KIAA1328: variants seen among roughly 807,000 people sequenced by gnomAD.
KIAA1328 encodes protein hinderin.
In KIAA1328, 52 loss-of-function variants were observed where a neutral mutation model predicts 68.1. The ratio of observed to expected loss-of-function variants is 0.76; its 90% CI spans 0.61 to 0.96. The LOEUF (loss-of-function observed/expected upper bound fraction) is 0.96, where lower values mean the gene tolerates loss of function less well. KIAA1328 is among the 40% of genes least tolerant of loss of function. KIAA1328 has a pLI of 0.00. For synonymous variants in KIAA1328, 232 were observed against 239.4 expected, an observed-to-expected ratio of 0.97 and a Z score of 0.28; for missense variants, 641 against 677.6, an observed-to-expected ratio of 0.95 and a Z score of 0.60.
chr18:37,090,602 T>C (rs2076399746), intron 7 of KIAA1328, among the ~76,000 whole-genome samples: 1 of 152,172 alleles, frequency 6.6e-6, no homozygotes, highest in Admixed American at 6.5e-5. Flanking sequence ...AGGACTGCTG[T>C]GTGAGAATTC....
intron 7 of KIAA1328, among the ~76,000 whole-genome samples, chr18:37,078,917 T>G (rs1333012419): frequency 6.6e-6 from 1 of 151,860 alleles, no homozygotes; most frequent in East Asian, 1.9e-4. Context: ...TGGAGGTCAG[T>G]GTGGCGATTC....
At chr18:37,166,808 G>A (rs1445846643) in intron 8 of KIAA1328, among the ~76,000 whole-genome samples, 3 of 151,520 alleles carry the variant, frequency 2.0e-5, no homozygotes, top group Admixed American at 1.3e-4. Context: ...TGGCACCTGG[G>A]GTTTAAAAAA....
At chr18:37,024,602 C>T (rs2054490538) in intron 6 of KIAA1328, among the ~76,000 whole-genome samples, 1 of 150,396 alleles carries the variant, frequency 6.6e-6, no homozygotes, top group African/African-American at 2.4e-5. Flanking sequence ...TGTTCAATTC[C>T]CATCTATGAG....
At chr18:36,895,133 T>G (rs774961848) in intron 5 of KIAA1328, among the ~76,000 whole-genome samples, 7 of 152,240 alleles carry the variant, frequency 4.6e-5, no homozygotes, top group Non-Finnish European at 8.8e-5. Context: ...GCTCCTAGCA[T>G]TCATACCTGT....
At chr18:36,928,010 TC>T (rs2050183202) in intron 5 of KIAA1328, among the ~76,000 whole-genome samples, 1 of 152,208 alleles carries the variant, frequency 6.6e-6, no homozygotes, top group Non-Finnish European at 1.5e-5. Context: ...GCCCAGATTT[TC>T]TATGGCGTAG....
rs2060597466 is a variant in KIAA1328 at position 37,223,306 on chromosome 18, A to T, written c.*1079A>T. On this transcript the variant is annotated 3_prime_UTR_variant, in exon 10 of 10. Transcript: ENST00000280020. ...AAGCAGGGTCTCCCTACTTTTTCTC[A>T]CTGGCCTCGTTTTGACCCAGAGAAA... The T allele has an allele frequency of 1.0e-6, 1 of 983,804 alleles. No individual in the cohort carries two copies. The allele number at this position is 983,804 out of a possible 1,614,324, so 60.9% of individuals were successfully genotyped here. A position where few individuals can be genotyped will look rare whatever the true frequency, so the allele number is the denominator to read the frequency against.
At chr18:36,851,228 T>C (rs1445103608) in intron 4 of KIAA1328, among the ~76,000 whole-genome samples, 1 of 152,220 alleles carries the variant, frequency 6.6e-6, no homozygotes, top group Non-Finnish European at 1.5e-5. Context: ...TTGTTGGGGA[T>C]TTTTGAATCT....
intron 9 of KIAA1328, among the ~76,000 whole-genome samples, chr18:37,187,261 G>A (rs17681878): frequency 0.02 from 3,099 of 152,190 alleles, 59 homozygotes; most frequent in East Asian, 0.089. Flanking sequence ...TAGCAGACAA[G>A]GGAAGAGTGA....
At chr18:37,138,233 A>C (rs936357308) in intron 7 of KIAA1328, among the ~76,000 whole-genome samples, 21 of 152,180 alleles carry the variant, frequency 1.4e-4, no homozygotes, top group Non-Finnish European at 2.2e-4. Flanking sequence ...CATACTATTA[A>C]TAAGTTGTTT....
chr18:36,959,560 G>C lies in KIAA1328; in HGVS notation c.576+125G>C, dbSNP rs139586118. The C allele has an allele frequency of 7.2e-5, 72 of 997,312 alleles. No homozygotes were observed. In the African/African-American group the frequency reaches 1.1e-3, roughly 15 times the overall value. The allele number at this position is 997,312 out of a possible 1,614,324, so 61.8% of individuals were successfully genotyped here. On this transcript the variant is annotated intron_variant, in intron 6 of 9. Coordinates refer to ENST00000280020, the MANE Select transcript of KIAA1328 (RefSeq NM_020776.3). Reference sequence around the variant, plus strand: ...TTGTTTTAAAACATGTAGCCACTGCGTGTGATTGAGTTGATGTCTTTCCCT... The same window carrying C: ...TTGTTTTAAAACATGTAGCCACTGCCTGTGATTGAGTTGATGTCTTTCCCT...
chr18:37,060,973 G>T (rs1395470036), intron 6 of KIAA1328, among the ~76,000 whole-genome samples: 1 of 152,106 alleles, frequency 6.6e-6, no homozygotes, highest in Admixed American at 6.5e-5. Flanking sequence ...AAATTAGCCG[G>T]CCATGGTGGT....
chr18:37,091,257 C>A (rs1228016851), intron 7 of KIAA1328, among the ~76,000 whole-genome samples: 1 of 152,092 alleles, frequency 6.6e-6, no homozygotes, highest in African/African-American at 2.4e-5. Context: ...CACTGGAATT[C>A]AACAGGGAAG....
chr18:37,110,094 G>T (rs1396439113), intron 7 of KIAA1328, among the ~76,000 whole-genome samples: 11 of 151,418 alleles, frequency 7.3e-5, no homozygotes, highest in Admixed American at 7.2e-4. Flanking sequence ...TTTTTTTCGA[G>T]GCTCCAATAA....
At chr18:37,105,529 A>G (rs1421805021) in intron 7 of KIAA1328, among the ~76,000 whole-genome samples, 4 of 150,102 alleles carry the variant, frequency 2.7e-5, no homozygotes, top group African/African-American at 7.4e-5. Context: ...AAAGAGCACT[A>G]CTGCAGAAAA....
chr18:37,160,866 A>G (rs2059264901), intron 8 of KIAA1328, among the ~76,000 whole-genome samples: 1 of 152,212 alleles, frequency 6.6e-6, no homozygotes, highest in South Asian at 2.1e-4. Context: ...TTTAAGTGTC[A>G]ATAATACTTC....
intron 4 of KIAA1328, among the ~76,000 whole-genome samples, chr18:36,848,996 G>A (rs990902748): frequency 1.4e-4 from 21 of 151,680 alleles, no homozygotes; most frequent in African/African-American, 5.1e-4. Flanking sequence ...TAGTTTTCAT[G>A]AAATATCTTA....
intron 6 of KIAA1328, among the ~76,000 whole-genome samples, chr18:37,062,458 GTT>G (rs10712481): frequency 6.3e-5 from 9 of 142,628 alleles, no homozygotes; most frequent in South Asian, 4.5e-4. Flanking sequence ...TTTTGTTTTT[GTT>G]TTTTTTTTTT....
chr18:37,008,995 A>G (rs1018809497), intron 6 of KIAA1328, among the ~76,000 whole-genome samples: 4 of 152,214 alleles, frequency 2.6e-5, no homozygotes, highest in South Asian at 4.1e-4. Context: ...CAGAACTAGG[A>G]AAGTATAAAC....
chr18:37,125,450 C>A (rs982212533), intron 7 of KIAA1328, among the ~76,000 whole-genome samples: 5 of 151,722 alleles, frequency 3.3e-5, no homozygotes, highest in South Asian at 2.1e-4. Context: ...CTTAAAAAAA[C>A]CAGAAAACAG....
Sources: allele counts gnomAD v4.1 joint callset (sites outside exome capture counted in the v4.1 genomes callset), GRCh38; gene constraint gnomAD v4.1.1; transcripts MANE v1.5; gene names NCBI Gene and HGNC (gene_info 2026-07-23, HGNC 2026-07-21).